LRRC42: variants seen among roughly 807,000 people sequenced by gnomAD.
LRRC42 encodes the protein leucine-rich repeat-containing protein 42.
A neutral mutation model predicts 44.3 loss-of-function variants in LRRC42; 43 were observed. The ratio of observed to expected loss-of-function variants is 0.97; its 90% CI spans 0.76 to 1.25. LRRC42 has a LOEUF of 1.25. LRRC42 is among the 50% of genes most tolerant of loss of function. LRRC42 has a pLI of 0.00. For missense variants in LRRC42, 540 were observed against 509.1 expected, an observed-to-expected ratio of 1.06 and a Z score of -0.58; for synonymous variants, 207 against 195.2, an observed-to-expected ratio of 1.06 and a Z score of -0.50.
chr1:53,963,845 T>A (rs944456927), intron 7 of LRRC42, among the ~76,000 whole-genome samples: 4 of 152,230 alleles, frequency 2.6e-5, no homozygotes, highest in South Asian at 4.1e-4. Context: ...TGCTCCTTTA[T>A]TCCAGTCACA....
chr1:53,956,192 C>T (rs1354391113), intron 3 of LRRC42, among the ~76,000 whole-genome samples: 1 of 152,146 alleles, frequency 6.6e-6, no homozygotes, highest in Non-Finnish European at 1.5e-5. Context: ...TAGGTGCAGG[C>T]ACTTGCTATC....
rs372426451 is a variant in LRRC42, at chr1:53,952,141, C to T, written c.142C>T (p.Pro48Ser). ...LQKPRPFRLFPKGFSVELCMN... is the reference protein window; with the variant it reads ...LQKPRPFRLFSKGFSVELCMN... ...GAAGCCAAGGCCTTTCAGACTGTTC[C>T]CCAAAGGCTTTTCTGTGGAGCTTTG... is the stretch of plus-strand genomic sequence containing the variant. Residue 48 changes from proline (P) to serine (S), a missense_variant, in exon 3 of 9, where the codon CCC (proline) becomes TCC (serine). Physicochemically the swap from Pro to Ser is moderately conservative, Grantham distance 74. Coordinates refer to ENST00000371370, the MANE Select transcript of LRRC42 (RefSeq NM_001256409.2). 2.5e-6 allele frequency: 4 copies of T among 1,614,082 alleles called. No individual in the cohort carries two copies. Among genetic ancestry groups the T allele is most frequent in the Non-Finnish European group, 3.4e-6 (4 of 1,180,036 alleles).
At chr1:53,965,012 TTTTTTTTTTTG>T (rs1365210683) in intron 7 of LRRC42, among the ~76,000 whole-genome samples, 1 of 122,440 alleles carries the variant, frequency 8.2e-6, no homozygotes, top group Non-Finnish European at 1.9e-5. Context: ...TTTTTTGTTT[TTTTTTTTTTTG>T]GAGACAGAGT....
At chr1:53,953,155 T>C (rs1219909794) in intron 3 of LRRC42, among the ~76,000 whole-genome samples, 2 of 152,244 alleles carry the variant, frequency 1.3e-5, no homozygotes, top group Admixed American at 6.5e-5. Flanking sequence ...ATAAGCCTTC[T>C]TCCTATCTCA....
At chr1:53,960,886 A>G (rs1174749573) in intron 5 of LRRC42, among the ~76,000 whole-genome samples, 1 of 152,202 alleles carries the variant, frequency 6.6e-6, no homozygotes, top group Non-Finnish European at 1.5e-5. Flanking sequence ...ACTCAGATTA[A>G]CCAGATATTG....
chr1:53,951,079 G>A (rs1654665601), intron 2 of LRRC42, among the ~76,000 whole-genome samples: 1 of 152,204 alleles, frequency 6.6e-6, no homozygotes, highest in Non-Finnish European at 1.5e-5. Context: ...GCCCAAAGCA[G>A]CAGATGGCAG....
chr1:53,949,831 G>T (rs561915387), intron 2 of LRRC42, among the ~76,000 whole-genome samples: 1 of 152,216 alleles, frequency 6.6e-6, no homozygotes, highest in African/African-American at 2.4e-5. Flanking sequence ...TCTGGCAAGT[G>T]GGGGAGGAGC....
Position 53,958,416 on chromosome 1 carries a change from A to G in LRRC42, c.605+136A>G, listed in dbSNP as rs115904420. On this transcript the variant is annotated intron_variant, in intron 4 of 8. Coordinates refer to ENST00000371370, the MANE Select transcript of LRRC42 (RefSeq NM_001256409.2). ...GCTTTTTTTTCCTAAAACATTTTCAATCTCCATTTACTTGGTATAAGCAAT... is the reference window on the plus strand; with the variant it reads ...GCTTTTTTTTCCTAAAACATTTTCAGTCTCCATTTACTTGGTATAAGCAAT... 3.7e-3 allele frequency: 4,274 copies of G among 1,141,882 alleles called. 18 individuals are homozygous for G. Among genetic ancestry groups the G allele is most frequent in the Non-Finnish European group, 4.6e-3 (3,740 of 813,868 alleles). 70.7% of individuals were successfully genotyped at this position (1,141,882 alleles called of 1,614,324 possible).
At chr1:53,946,742 C>G (rs1654484508) in intron 1 of LRRC42, among the ~76,000 whole-genome samples, 193 bp downstream of exon 1, 1 of 146,962 alleles carries the variant, frequency 6.8e-6, no homozygotes, top group Non-Finnish European at 1.5e-5. Context: ...CGGGGGCAGG[C>G]TATGGGGACG....
At position 53,949,733 on chromosome 1, in the gene LRRC42, T is replaced by G. The variant is rs147459408; in HGVS notation, c.-15+1912T>G. 4.5e-3 allele frequency among the ~76,000 whole-genome samples: 683 copies of G among 152,244 alleles called. 7 individuals are homozygous for G. The highest frequency in any genetic ancestry group is 0.015 in the African/African-American group (640 of 41,536). On this transcript the variant is annotated intron_variant, in intron 2 of 8. Transcript: ENST00000371370. The stretch of plus-strand genomic sequence containing the variant: ...ACTGTGACAGGATTTTTTTCCCCTG[T>G]TTTTTAGTTTAGTTGTCTCCCACCC...
At position 53,952,039 on chromosome 1, in the gene LRRC42, G is replaced by C; in HGVS notation, c.40G>C (p.Gly14Arg). 4 of 1,614,136 alleles carry C rather than the reference G, an allele frequency of 2.5e-6. No homozygotes were observed. Among genetic ancestry groups the C allele is most frequent in the Non-Finnish European group, 3.4e-6 (4 of 1,180,030 alleles). ...YLSSENHLDP[G>R]PIYMRENGQL... Reference sequence around the variant, plus strand: ...CAGCTCAGAAAACCACCTGGACCCAGGGCCCATCTACATGCGAGAAAATGG... The same window carrying C: ...CAGCTCAGAAAACCACCTGGACCCACGGCCCATCTACATGCGAGAAAATGG... The change falls in exon 3 of 9, where the codon GGG (glycine) becomes CGG (arginine). Residue 14 changes from glycine (G) to arginine (R), a missense_variant. Gly to Arg is a moderately radical substitution (Grantham distance 125). Transcript: ENST00000371370.
rs377181063 is a variant in LRRC42, at chr1:53,962,327, C to A, written c.845C>A (p.Thr282Asn). The A allele has an allele frequency of 6.2e-7, 1 of 1,614,082 alleles. No individual in the cohort carries two copies. The highest frequency in any genetic ancestry group is 1.1e-5 in the South Asian group (1 of 91,082). ...DIKTVKHKLQTHIGLVHSKVP... is the reference protein window; with the variant it reads ...DIKTVKHKLQNHIGLVHSKVP... ...AAAACCGTCAAGCACAAGCTCCAGA[C>A]CCACATAGGCCTTGTTCACTCCAAA... Residue 282 changes from threonine (T) to asparagine (N), a missense_variant, in exon 7 of 9, where the codon ACC (threonine) becomes AAC (asparagine). Transcript: ENST00000371370.
chr1:53,958,214 T>G lies in LRRC42; in HGVS notation c.539T>G (p.Leu180Arg). The change falls in exon 4 of 9, where the codon CTT (leucine) becomes CGT (arginine). Residue 180 changes from leucine (L) to arginine (R), a missense_variant. By Grantham distance (102) the Leu-to-Arg change is moderately radical. Transcript: ENST00000371370. ...TTCCGGGAGCTGACCTGCCTGGATC[T>G]TTCCTGTTGCAAGCTTGGAGATGAG... ...KSFRELTCLD[L>R]SCCKLGDEHE... 1 of 1,613,950 alleles carries G rather than the reference T, an allele frequency of 6.2e-7. No individual in the cohort carries two copies. The highest frequency in any genetic ancestry group is 8.5e-7 in the Non-Finnish European group (1 of 1,179,856).
intron 3 of LRRC42, among the ~76,000 whole-genome samples, chr1:53,956,896 CTG>C (rs1654856550): frequency 6.6e-6 from 1 of 152,186 alleles, no homozygotes; most frequent in Non-Finnish European, 1.5e-5. Context: ...CACTTCAACT[CTG>C]TGATTGGAAG....
chr1:53,964,297 C>A (rs911196804), intron 7 of LRRC42, among the ~76,000 whole-genome samples: 2 of 152,150 alleles, frequency 1.3e-5, no homozygotes, highest in African/African-American at 4.8e-5. Context: ...ATTCCTCTTT[C>A]TTCCTCTCCT....
At chr1:53,955,883 C>T (rs1047859955) in intron 3 of LRRC42, among the ~76,000 whole-genome samples, 2 of 152,224 alleles carry the variant, frequency 1.3e-5, no homozygotes, top group Non-Finnish European at 2.9e-5. Flanking sequence ...CCGCCTCGGC[C>T]TCCCAAAGTG....
chr1:53,961,925 A>G (rs1655004298), intron 5 of LRRC42, 109 bp from the exon 6 acceptor site: 2 of 759,296 alleles, frequency 2.6e-6, no homozygotes, highest in East Asian at 2.5e-5. Context: ...TGCCAACTCA[A>G]ATGTTTTATA....
rs1422396391 is a variant in LRRC42 at position 53,953,767 on chromosome 1, C to T, written c.473+1295C>T. ...TTTTTTTTTGAGACGGAATTTTCCT[C>T]GTTTCCCAGGCTGGAGTGCAATGGC... On this transcript the variant is annotated intron_variant, in intron 3 of 8. Coordinates refer to ENST00000371370, the MANE Select transcript of LRRC42 (RefSeq NM_001256409.2). Among the ~76,000 whole-genome samples the T allele has an allele frequency of 2.0e-5, 3 of 150,792 alleles. No homozygotes were observed. The East Asian group carries it at 5.9e-4, about 30-fold the overall frequency.
intron 4 of LRRC42, 74 bp downstream of exon 4, chr1:53,958,354 C>T: frequency 1.3e-6 from 2 of 1,559,960 alleles, no homozygotes; most frequent in Non-Finnish European, 8.8e-7. Context: ...GGATTATCTT[C>T]AGGAATGCTG....
Sources: allele counts gnomAD v4.1 joint callset (sites outside exome capture counted in the v4.1 genomes callset), GRCh38; gene constraint gnomAD v4.1.1; transcripts MANE v1.5; gene names NCBI Gene and HGNC (gene_info 2026-07-23, HGNC 2026-07-21).